The following LARGE1 variants were observed in gnomAD, a reference collection of about 807,000 sequenced individuals.
LARGE1 encodes LARGE xylosyl- and glucuronyltransferase 1.
A neutral mutation model predicts 87.6 loss-of-function variants in LARGE1; 43 were observed. The observed-to-expected ratio is 0.49, with a 90% CI of 0.38 to 0.63. The LOEUF (loss-of-function observed/expected upper bound fraction) is 0.63, where lower values mean the gene tolerates loss of function less well. Ranked by LOEUF, LARGE1 falls within the 30% of genes least tolerant of loss-of-function variation. The probability of loss-of-function intolerance (pLI) is 0.00; values close to 1 mark genes in which losing one functional copy is unlikely to be tolerated. For missense variants in LARGE1, 802 were observed against 1,000.2 expected (o/e 0.80, Z 2.67); for synonymous variants, 434 against 394.6 (o/e 1.10, Z -1.18).
At chr22:33,454,430 C>T (rs1405204727) in intron 6 of LARGE1, among the ~76,000 whole-genome samples, 1 of 151,644 alleles carries the variant, frequency 6.6e-6, no homozygotes, top group Non-Finnish European at 1.5e-5. Flanking sequence ...CTAGCCTGGC[C>T]AACATGGTGA....
chr22:33,540,493 A>G (rs1161744672), intron 6 of LARGE1, among the ~76,000 whole-genome samples: 3 of 152,232 alleles, frequency 2.0e-5, no homozygotes, highest in Non-Finnish European at 4.4e-5. Flanking sequence ...GGGAGGGACA[A>G]GTGCCAGGAT....
the LARGE1 span, among the ~76,000 whole-genome samples, chr22:33,096,216 G>C: frequency 6.6e-6 from 1 of 152,102 alleles, no homozygotes; most frequent in African/African-American, 2.4e-5. Flanking sequence ...AGGAGTTTGA[G>C]ACCAGCCTGG....
rs117668095 is a variant in LARGE1 at position 33,303,150 on chromosome 22, T to C, written c.1730+1079A>G. On this transcript the variant is annotated intron_variant, in intron 12 of 14. Coordinates refer to ENST00000397394, the MANE Select transcript of LARGE1 (RefSeq NM_133642.5). ...ATCCGAATTGTGTACTATTCTGTAA[T>C]AAATGCACTCTTCACACAGCCATCT... 1.5e-3 allele frequency among the ~76,000 whole-genome samples: 234 copies of C among 152,336 alleles called. 2 individuals are homozygous for C. Among genetic ancestry groups the C allele is most frequent in the Middle Eastern group, 3.4e-3 (1 of 294 alleles).
chr22:33,067,753 G>A, the LARGE1 span, among the ~76,000 whole-genome samples: 4 of 152,252 alleles, frequency 2.6e-5, no homozygotes, highest in South Asian at 2.1e-4. Flanking sequence ...AGGCCAAGGC[G>A]GATGGATCAC....
chr22:33,540,204 G>C (rs1045326771), intron 6 of LARGE1, among the ~76,000 whole-genome samples: 3 of 152,184 alleles, frequency 2.0e-5, no homozygotes, highest in Admixed American at 2.0e-4. Context: ...GGACTGCTGA[G>C]AAAATGGCAT....
intron 3 of LARGE1, among the ~76,000 whole-genome samples, chr22:33,645,366 G>T (rs1331148786): frequency 6.6e-6 from 1 of 152,142 alleles, no homozygotes; most frequent in Non-Finnish European, 1.5e-5. Flanking sequence ...TTAATAAATG[G>T]TGCTGGAAAA....
chr22:33,827,409 C>T (rs1214712846), intron 1 of LARGE1, among the ~76,000 whole-genome samples: 1 of 152,054 alleles, frequency 6.6e-6, no homozygotes, highest in Admixed American at 6.6e-5. Flanking sequence ...CTATTACCCT[C>T]CTCGCCCCTC....
At chr22:33,186,082 G>C (rs137389) in intron 11 of LARGE1, among the ~76,000 whole-genome samples, 90,997 of 151,914 alleles carry the variant, frequency 0.6, 27,495 homozygotes, top group Middle Eastern at 0.66. Context: ...TAGTTTCACT[G>C]TTGAAGTCTA....
chr22:33,231,719 C>G (rs1053249934), intron 11 of LARGE1, among the ~76,000 whole-genome samples: 1 of 152,116 alleles, frequency 6.6e-6, no homozygotes, highest in African/African-American at 2.4e-5. Flanking sequence ...TTTGATTCTC[C>G]GTCTATCACT....
chr22:33,228,567 C>G (rs1303875560), intron 11 of LARGE1, among the ~76,000 whole-genome samples: 1 of 152,190 alleles, frequency 6.6e-6, no homozygotes, highest in African/African-American at 2.4e-5. Flanking sequence ...GCAGGACTTC[C>G]TTAGTACCAT....
chr22:33,608,915 T>C (rs1337904336), intron 4 of LARGE1, among the ~76,000 whole-genome samples: 1 of 152,166 alleles, frequency 6.6e-6, no homozygotes, highest in South Asian at 2.1e-4. Context: ...TAAAATAACA[T>C]AATAAACATA....
intron 5 of LARGE1, among the ~76,000 whole-genome samples, chr22:33,594,446 C>T (rs1172221027): frequency 1.3e-5 from 2 of 152,192 alleles, no homozygotes; most frequent in Admixed American, 6.5e-5. Flanking sequence ...CCTTTCATAA[C>T]ATTTGGACAA....
chr22:33,237,197 G>A (rs182877069), intron 11 of LARGE1, among the ~76,000 whole-genome samples: 32 of 152,262 alleles, frequency 2.1e-4, no homozygotes, highest in African/African-American at 7.2e-4. Context: ...CTTGCTATCC[G>A]TCCAGACAAT....
intron 6 of LARGE1, among the ~76,000 whole-genome samples, chr22:33,434,531 C>T (rs1002748571): frequency 2.6e-5 from 4 of 152,156 alleles, no homozygotes; most frequent in African/African-American, 9.7e-5. Flanking sequence ...GATCTCCTGA[C>T]CTTGTGATCC....
At chr22:33,776,457 G>A (rs2085240960) in intron 1 of LARGE1, among the ~76,000 whole-genome samples, 2 of 152,126 alleles carry the variant, frequency 1.3e-5, no homozygotes, top group African/African-American at 2.4e-5. Flanking sequence ...CTTTCCTGAG[G>A]ATATACATTC....
intron 1 of LARGE1, among the ~76,000 whole-genome samples, chr22:33,805,424 A>G (rs1263951047): frequency 6.6e-6 from 1 of 152,072 alleles, no homozygotes; most frequent in Non-Finnish European, 1.5e-5. Context: ...ATGGCTCCCA[A>G]CTTCATTCAG....
intron 5 of LARGE1, 56 bp downstream of exon 5, chr22:33,604,379 G>T: frequency 6.2e-7 from 1 of 1,611,360 alleles, no homozygotes. Flanking sequence ...TCAACCACAA[G>T]TAATAACGCT....
intron 2 of LARGE1, among the ~76,000 whole-genome samples, chr22:33,689,232 TGAG>T (rs548387018): frequency 9.0e-4 from 137 of 152,132 alleles, no homozygotes; most frequent in Non-Finnish European, 1.1e-3. Context: ...GCTAAGTTTA[TGAG>T]GAGTGCAAAA....
At chr22:33,456,929 T>G (rs1334370164) in intron 6 of LARGE1, among the ~76,000 whole-genome samples, 1 of 152,166 alleles carries the variant, frequency 6.6e-6, no homozygotes, top group African/African-American at 2.4e-5. Context: ...AAAACTTGGG[T>G]AGACAGAAGG....
Sources: gnomAD v4.1 joint callset for allele counts (sites outside exome capture counted in the v4.1 genomes callset) on GRCh38, gnomAD v4.1.1 for gene constraint, MANE v1.5 for transcripts, NCBI Gene and HGNC (gene_info 2026-07-23, HGNC 2026-07-21) for gene names.